Variants in SHISA3 observed in about 807,000 individuals in gnomAD.
The protein encoded by SHISA3 is protein shisa-3 homolog.
Under a neutral mutation model 19.2 loss-of-function variants are expected in SHISA3, and 15 were observed. The ratio of observed to expected loss-of-function variants is 0.78; its 90% CI spans 0.52 to 1.20. The LOEUF (loss-of-function observed/expected upper bound fraction) is 1.20. Ranked by LOEUF, SHISA3 falls within the 50% of genes most tolerant of loss-of-function variation. The pLI, the probability that SHISA3 is intolerant of heterozygous loss-of-function variation, is 0.00. For missense variants in SHISA3, 327 were observed against 315.7 expected (o/e 1.04, Z -0.27); for synonymous variants, 145 against 135.2 (o/e 1.07, Z -0.50).
chr4:42,401,049 C>T lies in SHISA3; in HGVS notation c.315C>T (p.Ile105=), dbSNP rs144385761. 8.7e-6 allele frequency: 14 copies of T among 1,614,210 alleles called. No homozygotes were observed. The highest frequency in any genetic ancestry group is 1.2e-5 in the Non-Finnish European group (14 of 1,180,032). Residue 105 remains isoleucine, a synonymous_variant, in exon 2 of 2, where the codon ATC becomes ATT. Transcript: ENST00000319234. ...VYVPFLIVGS[I]FIAFIILGSV... ...TCCCCTTTCTCATCGTCGGCTCCAT[C>T]TTCATTGCGTTCATCATCCTGGGCT...
In SHISA3 at chr4:42,397,763, C is replaced by G. The variant is rs933698932; in HGVS notation, c.-294C>G. ...CCCCTCGCGCGGGGAGCGCTATGAG[C>G]CGGGCGAAGGGCGGCAGCGACAGCC... On this transcript the variant is annotated 5_prime_UTR_variant, in exon 1 of 2. Coordinates refer to ENST00000319234, the MANE Select transcript of SHISA3 (RefSeq NM_001080505.3). The G allele has an allele frequency of 5.3e-6, 2 of 378,078 alleles. No homozygotes were observed. Among genetic ancestry groups the G allele is most frequent in the Admixed American group, 9.6e-5 (2 of 20,854 alleles). 23.4% of individuals were successfully genotyped at this position (378,078 alleles called of 1,614,324 possible).
Position 42,401,739 on chromosome 4 carries a change from G to A in SHISA3, c.*288G>A, listed in dbSNP as rs111666769. 18 of 346,172 alleles carry A rather than the reference G, an allele frequency of 5.2e-5. No homozygotes were observed. The highest frequency in any genetic ancestry group is 2.9e-4 in the African/African-American group (14 of 47,816). The allele number at this position is 346,172 out of a possible 1,614,324, so 21.4% of individuals were successfully genotyped here. A position where few individuals can be genotyped will look rare whatever the true frequency, so the allele number is the denominator to read the frequency against. ...AGTTTGACTTTAAAGTTGCAAACTGGCTAAAAACGTTTTACTGGACATTCA... is the reference window on the plus strand; with the variant it reads ...AGTTTGACTTTAAAGTTGCAAACTGACTAAAAACGTTTTACTGGACATTCA... On this transcript the variant is annotated 3_prime_UTR_variant, in exon 2 of 2. Transcript: ENST00000319234.
chr4:42,398,885 T>A (rs1711828957), intron 1 of SHISA3, among the ~76,000 whole-genome samples: 1 of 152,134 alleles, frequency 6.6e-6, no homozygotes, highest in South Asian at 2.1e-4. Flanking sequence ...CAGACTTCCT[T>A]TCAATTCTCT....
rs115182843 is a variant in SHISA3, at chr4:42,401,004, C to T, written c.278-8C>T. 0.01 allele frequency: 16,201 copies of T among 1,611,354 alleles called. 1,196 individuals carry two copies. In the African/African-American group the frequency reaches 0.18, roughly 18 times the overall value. On this transcript the variant is annotated splice_polypyrimidine_tract_variant and splice_region_variant and intron_variant, in intron 1 of 1. Transcript: ENST00000319234. ...GAGCATCTGTTTATGTCTGTTTTTG[C>T]CTTTTAGAGCCTGTCTACGTCCCCT... is the stretch of plus-strand genomic sequence containing the variant.
chr4:42,401,096 G>A lies in SHISA3; in HGVS notation c.362G>A (p.Cys121Tyr). 1 of 1,613,998 alleles carries A rather than the reference G, an allele frequency of 6.2e-7. No individual in the cohort carries two copies. The highest frequency in any genetic ancestry group is 8.5e-7 in the Non-Finnish European group (1 of 1,180,014). ...GGCTCTGTAGTGGCTATTTATTGTTGCACCTGTTTGAGACCCAAGGAGCCC... is the reference window on the plus strand; with the variant it reads ...GGCTCTGTAGTGGCTATTTATTGTTACACCTGTTTGAGACCCAAGGAGCCC... Reference protein sequence around the residue: ...ILGSVVAIYCCTCLRPKEPSQ... With the variant: ...ILGSVVAIYCYTCLRPKEPSQ... The change falls in exon 2 of 2, where the codon TGC becomes TAC. Residue 121 changes from cysteine (C) to tyrosine (Y), a missense_variant. By Grantham distance (194) the Cys-to-Tyr change is radical. Transcript: ENST00000319234.
intron 1 of SHISA3, among the ~76,000 whole-genome samples, chr4:42,400,159 A>G (rs1285278960): frequency 6.6e-6 from 1 of 152,206 alleles, no homozygotes; most frequent in Non-Finnish European, 1.5e-5. Context: ...GCACGGCTCT[A>G]TCAGGGGAGA....
chr4:42,400,129 A>G (rs1711865599), intron 1 of SHISA3, among the ~76,000 whole-genome samples: 1 of 152,222 alleles, frequency 6.6e-6, no homozygotes, highest in African/African-American at 2.4e-5. Flanking sequence ...TTCTACCTGT[A>G]AGCTGGAGGC....
At chr4:42,398,416 A>G in intron 1 of SHISA3, 83 bp downstream of exon 1, 1 of 1,379,896 alleles carries the variant, frequency 7.2e-7, no homozygotes, top group Non-Finnish European at 9.5e-7. Context: ...GCACAGACCC[A>G]GGCAGGTCTA....
Position 42,397,750 on chromosome 4 carries a change from G to T in SHISA3, c.-307G>T. On this transcript the variant is annotated 5_prime_UTR_variant, in exon 1 of 2. It introduces an in-frame stop codon into an upstream open reading frame of the 5' UTR. Transcript: ENST00000319234. ...GGGGGTTGGCGCGCCCCTCGCGCGG[G>T]GAGCGCTATGAGCCGGGCGAAGGGC... The T allele has an allele frequency of 2.9e-6, 1 of 341,124 alleles. No individual in the cohort carries two copies. The highest frequency in any genetic ancestry group is 2.1e-5 in the African/African-American group (1 of 46,558). The allele number at this position is 341,124 out of a possible 1,614,324, so 21.1% of individuals were successfully genotyped here. A position where few individuals can be genotyped will look rare whatever the true frequency, so the allele number is the denominator to read the frequency against.
At chr4:42,400,586 A>T (rs747096503) in intron 1 of SHISA3, among the ~76,000 whole-genome samples, 1 of 152,178 alleles carries the variant, frequency 6.6e-6, no homozygotes, top group Non-Finnish European at 1.5e-5. Flanking sequence ...ATTGAATGGG[A>T]GATGGATTGC....
chr4:42,400,105 G>T (rs1266837406), intron 1 of SHISA3, among the ~76,000 whole-genome samples: 1 of 152,222 alleles, frequency 6.6e-6, no homozygotes, highest in Non-Finnish European at 1.5e-5. Context: ...CTTAGTCAAT[G>T]CAGGCTTTCT....
intron 1 of SHISA3, among the ~76,000 whole-genome samples, 192 bp downstream of exon 1, chr4:42,398,525 T>C (rs913194188): frequency 2.0e-5 from 3 of 152,176 alleles, no homozygotes; most frequent in South Asian, 2.1e-4. Context: ...CTCTATTCAT[T>C]TGCAGTCCCG....
At position 42,401,138 on chromosome 4, in the gene SHISA3, G is replaced by A. The variant is rs528536176; in HGVS notation, c.404G>A (p.Arg135His). 3 of 1,613,992 alleles carry A rather than the reference G, an allele frequency of 1.9e-6. No homozygotes were observed. The highest frequency in any genetic ancestry group is 8.5e-7 in the Non-Finnish European group (1 of 1,180,030). Residue 135 changes from arginine to histidine, a missense_variant, in exon 2 of 2, where the codon CGC becomes CAC. By Grantham distance (29) the Arg-to-His change is conservative. Transcript: ENST00000319234. ...RPKEPSQQPI[R>H]FSLRSYQTET... Reference sequence around the variant, plus strand: ...AAGGAGCCCTCGCAGCAGCCAATCCGCTTCTCACTCCGCAGCTATCAGACA... The same window carrying A: ...AAGGAGCCCTCGCAGCAGCCAATCCACTTCTCACTCCGCAGCTATCAGACA...
At chr4:42,400,913 C>A (rs1711891254) in intron 1 of SHISA3, 99 bp from the exon 2 acceptor site, 2 of 1,223,292 alleles carry the variant, frequency 1.6e-6, no homozygotes, top group Non-Finnish European at 2.3e-6. Context: ...GTGATAGTAA[C>A]TGAGTCTCCC....
chr4:42,397,705 A>T lies in SHISA3; in HGVS notation c.-352A>T. The T allele has an allele frequency of 3.9e-6, 1 of 253,778 alleles. No homozygotes were observed. The highest frequency in any genetic ancestry group is 7.4e-6 in the Non-Finnish European group (1 of 135,130). 15.7% of individuals were successfully genotyped at this position (253,778 alleles called of 1,614,324 possible). ...CCCGGGCGCTATGGCTCCCTTGAGG[A>T]GTGGGGAGGGAGGTGGCCGGGGGGT... On this transcript the variant is annotated 5_prime_UTR_variant, in exon 1 of 2. Coordinates refer to ENST00000319234, the MANE Select transcript of SHISA3 (RefSeq NM_001080505.3).
intron 1 of SHISA3, among the ~76,000 whole-genome samples, chr4:42,398,932 C>T (rs1230093908): frequency 6.6e-6 from 1 of 152,150 alleles, no homozygotes; most frequent in Admixed American, 6.5e-5. Flanking sequence ...CCCCTATTGT[C>T]ACGCCTTTCA....
At chr4:42,398,434 T>C in intron 1 of SHISA3, 101 bp downstream of exon 1, 1 of 1,253,168 alleles carries the variant, frequency 8.0e-7, no homozygotes, top group Non-Finnish European at 1.1e-6. Context: ...CTATGCGCCT[T>C]CCTGGGTCTG....
At chr4:42,399,619 AG>A (rs1259756947) in intron 1 of SHISA3, among the ~76,000 whole-genome samples, 1 of 152,236 alleles carries the variant, frequency 6.6e-6, no homozygotes, top group Non-Finnish European at 1.5e-5. Flanking sequence ...GGACAGCAGA[AG>A]GGAGAGGCAG....
At chr4:42,400,039 C>T (rs1013309020) in intron 1 of SHISA3, among the ~76,000 whole-genome samples, 2 of 152,184 alleles carry the variant, frequency 1.3e-5, no homozygotes, top group Non-Finnish European at 2.9e-5. Context: ...CTCACAGGGT[C>T]TCCAAGAGAC....
Sources: gnomAD v4.1 joint callset for allele counts (sites outside exome capture counted in the v4.1 genomes callset) on GRCh38, gnomAD v4.1.1 for gene constraint, MANE v1.5 for transcripts, NCBI Gene and HGNC (gene_info 2026-07-23, HGNC 2026-07-21) for gene names.